LSM7: variants seen among roughly 807,000 people sequenced by gnomAD.
LSM7 encodes LSM7 homolog, U6 small nuclear RNA and mRNA degradation associated, also known as U6 snRNA-associated Sm-like protein LSm7.
A neutral mutation model predicts 14.1 loss-of-function variants in LSM7; 13 were observed. That is an observed-to-expected ratio of 0.92 (90% CI 0.60 to 1.47). The LOEUF (loss-of-function observed/expected upper bound fraction) is 1.47. Ranked by LOEUF, LSM7 falls within the 40% of genes most tolerant of loss-of-function variation. The pLI, the probability that LSM7 is intolerant of heterozygous loss-of-function variation, is 0.00. For synonymous variants in LSM7, 70 were observed against 57.1 expected (o/e 1.23, Z -1.02); for missense variants, 108 against 140.8 (o/e 0.77, Z 1.18).
chr19:2,327,194 G>A lies in LSM7; in HGVS notation c.97+1193C>T, dbSNP rs148895868. 8.5e-5 allele frequency among the ~76,000 whole-genome samples: 13 copies of A among 152,352 alleles called. No individual in the cohort carries two copies. In the East Asian group the frequency reaches 2.5e-3, roughly 29 times the overall value. On this transcript the variant is annotated intron_variant, in intron 2 of 3. Transcript: ENST00000252622. ...AGCAGTGTGACCAGCAAGAGCGGCC[G>A]CTCACTCATGTCCTTCCATGTCCGG...
intron 2 of LSM7, among the ~76,000 whole-genome samples, chr19:2,326,312 T>TTGTGTGTGTGTGTGTGTG (rs145468909): frequency 6.4e-4 from 83 of 129,776 alleles, no homozygotes; most frequent in African/African-American, 9.6e-4. Context: ...TTTCTGCTTT[T>TTGTGTGTGTGTGTGTGTG]TGTGTGTGTG....
At position 2,321,668 on chromosome 19, in the gene LSM7, C is replaced by T. The variant is rs1406179054; in HGVS notation, c.*12G>A. On this transcript the variant is annotated 3_prime_UTR_variant, in exon 4 of 4. Coordinates refer to ENST00000252622, the MANE Select transcript of LSM7 (RefSeq NM_016199.3). This position sits in a 1 kb window ranked among gnomAD's most constrained non-coding sequence, Gnocchi z 5.0. ...TCGGGCCTGCCCTGCACCCCCCGCG[C>T]CCCCGGCCAGGCTAGGCGTCCTGCT... 5 of 1,495,658 alleles carry T rather than the reference C, an allele frequency of 3.3e-6. No homozygotes were observed. The highest frequency in any genetic ancestry group is 5.2e-5 in the East Asian group (2 of 38,646). 92.6% of individuals were successfully genotyped at this position (1,495,658 alleles called of 1,614,324 possible).
chr19:2,324,262 C>T, intron 2 of LSM7, 66 bp from the exon 3 acceptor site: 1 of 1,241,932 alleles, frequency 8.1e-7, no homozygotes, highest in South Asian at 1.3e-5. Flanking sequence ...CAGGGCCCGC[C>T]CCAGCATGGC....
intron 3 of LSM7, among the ~76,000 whole-genome samples, chr19:2,323,599 C>CCT (rs1967968871): frequency 6.6e-6 from 1 of 152,116 alleles, no homozygotes; most frequent in Non-Finnish European, 1.5e-5. Flanking sequence ...TACAGGCATG[C>CCT]GCCACCACAC....
At chr19:2,323,482 A>C (rs1395662726) in intron 3 of LSM7, among the ~76,000 whole-genome samples, 1 of 151,930 alleles carries the variant, frequency 6.6e-6, no homozygotes, top group East Asian at 1.9e-4. Context: ...ACGGAGTCTC[A>C]CTCTGTTACT....
chr19:2,328,583 G>A lies in LSM7; in HGVS notation c.-17C>T. The A allele has an allele frequency of 6.4e-7, 1 of 1,570,164 alleles. No individual in the cohort carries two copies. On this transcript the variant is annotated 5_prime_UTR_variant, in exon 1 of 4. Coordinates refer to ENST00000252622, the MANE Select transcript of LSM7 (RefSeq NM_016199.3). Reference sequence around the variant, plus strand: ...CACCGCCATCTTGTCGCGCCGTGTGGCTCTTCGCAGGCACCGCCCCGCGCC... The same window carrying A: ...CACCGCCATCTTGTCGCGCCGTGTGACTCTTCGCAGGCACCGCCCCGCGCC...
intron 3 of LSM7, among the ~76,000 whole-genome samples, chr19:2,323,608 A>C (rs553370319): frequency 4.0e-5 from 6 of 151,800 alleles, no homozygotes; most frequent in Non-Finnish European, 8.8e-5. Context: ...GCGCCACCAC[A>C]CCCAGCAATT....
chr19:2,322,460 G>GA (rs1306248356), intron 3 of LSM7, among the ~76,000 whole-genome samples: 2 of 152,180 alleles, frequency 1.3e-5, no homozygotes, highest in East Asian at 3.9e-4. Flanking sequence ...AGAATGGTGT[G>GA]AACCCAGGAG....
chr19:2,326,312 TTGTG>T (rs145468909), intron 2 of LSM7, among the ~76,000 whole-genome samples: 203 of 129,774 alleles, frequency 1.6e-3, no homozygotes, highest in African/African-American at 2.8e-3. Flanking sequence ...TTTCTGCTTT[TTGTG>T]TGTGTGTGTG....
At chr19:2,326,904 C>G (rs993057422) in intron 2 of LSM7, among the ~76,000 whole-genome samples, 1 of 152,248 alleles carries the variant, frequency 6.6e-6, no homozygotes, top group African/African-American at 2.4e-5. Context: ...CGTCCGGGAG[C>G]TGCAAGTGTC....
chr19:2,324,329 C>T (rs892847554), intron 2 of LSM7, 133 bp from the exon 3 acceptor site: 16 of 695,430 alleles, frequency 2.3e-5, no homozygotes, highest in East Asian at 1.1e-4. Flanking sequence ...AGAGGGCTCC[C>T]GGGAGTGGCC....
At chr19:2,328,498 A>C (rs1968091893) in intron 1 of LSM7, 21 bp from the exon 2 acceptor site, 2 of 1,613,138 alleles carry the variant, frequency 1.2e-6, no homozygotes, top group Non-Finnish European at 1.7e-6. Context: ...AGCAGAGCGC[A>C]TGAGACCTGG....
intron 2 of LSM7, among the ~76,000 whole-genome samples, chr19:2,326,405 G>A (rs1270393711): frequency 1.3e-5 from 2 of 151,462 alleles, no homozygotes; most frequent in Non-Finnish European, 2.9e-5. Flanking sequence ...GCAGTGGCGC[G>A]ATCTCAGCTC....
intron 2 of LSM7, among the ~76,000 whole-genome samples, chr19:2,326,375 T>G (rs1050771583): frequency 6.7e-6 from 1 of 150,326 alleles, no homozygotes; most frequent in Non-Finnish European, 1.5e-5. Flanking sequence ...GGAGTCTTGC[T>G]CTGTCGCCCA....
Position 2,325,152 on chromosome 19 carries a change from G to A in LSM7, c.98-956C>T, listed in dbSNP as rs969543416. On this transcript the variant is annotated intron_variant, in intron 2 of 3. Transcript: ENST00000252622. ...CCTGCCCCACCCCTCAAGCTTCGCC[G>A]CCTTGGGCCACAACTTGCCAACTTA... Among the ~76,000 whole-genome samples, 16 of 152,100 alleles carry A rather than the reference G, an allele frequency of 1.1e-4. No individual in the cohort carries two copies. In the East Asian group the frequency reaches 1.5e-3, roughly 15 times the overall value.
intron 2 of LSM7, among the ~76,000 whole-genome samples, chr19:2,327,142 T>C (rs2145126813): frequency 6.6e-6 from 1 of 152,334 alleles, no homozygotes; most frequent in Non-Finnish European, 1.5e-5. Flanking sequence ...ATGGGTGATT[T>C]GCTATGAAGG....
intron 2 of LSM7, chr19:2,324,399 C>G: frequency 1.8e-6 from 1 of 569,094 alleles, no homozygotes; most frequent in Non-Finnish European, 3.2e-6. Context: ...CTGCGGGGGG[C>G]CAGATGGCAA....
At chr19:2,324,422 G>A (rs865982755) in intron 2 of LSM7, 19 of 547,334 alleles carry the variant, frequency 3.5e-5, no homozygotes, top group Middle Eastern at 4.7e-4. Flanking sequence ...ACTTCTGGCC[G>A]TGTGGGCCAC....
At position 2,321,616 on chromosome 19, in the gene LSM7, AGCC is replaced by A. The variant is rs985249218; in HGVS notation, c.*61_*63del. ...GAGGCGGTACTGCGGTGGGAGCAGC[AGCC>A]AAGTCCGCGGGAAACCGAGCTGCTC... On this transcript the variant is annotated 3_prime_UTR_variant, in exon 4 of 4. Transcript: ENST00000252622. The surrounding 1 kb of genome is among the most constrained non-coding windows in gnomAD (Gnocchi z 5.0). 1 of 1,336,894 alleles carries A rather than the reference AGCC, an allele frequency of 7.5e-7. No individual in the cohort carries two copies. The highest frequency in any genetic ancestry group is 9.6e-7 in the Non-Finnish European group (1 of 1,040,080). The allele number at this position is 1,336,894 out of a possible 1,614,324, so 82.8% of individuals were successfully genotyped here.
Sources: allele counts gnomAD v4.1 joint callset (sites outside exome capture counted in the v4.1 genomes callset), GRCh38; gene constraint gnomAD v4.1.1; non-coding constraint Gnocchi (gnomAD v3.1); transcripts MANE v1.5; gene names NCBI Gene and HGNC (gene_info 2026-07-23, HGNC 2026-07-21).